Variants in MAPK6 observed in about 807,000 individuals in gnomAD.
The protein encoded by MAPK6 is ERK-3.
A neutral mutation model predicts 59.3 loss-of-function variants in MAPK6; 19 were observed. The ratio of observed to expected loss-of-function variants is 0.32; its 90% CI spans 0.22 to 0.47. MAPK6 has a LOEUF of 0.47. Ranked by LOEUF, MAPK6 falls within the 20% of genes least tolerant of loss-of-function variation. The probability of loss-of-function intolerance (pLI) is 1.00; values close to 1 mark genes in which losing one functional copy is unlikely to be tolerated. For missense variants in MAPK6, 724 were observed against 847.9 expected (o/e 0.85, Z 1.81); for synonymous variants, 316 against 290.3 (o/e 1.09, Z -0.90).
Position 52,050,156 on chromosome 15 carries a change from G to GA in MAPK6, c.700+24dup, listed in dbSNP as rs1566910609. ...TTTGCAGGTTAGTATTTTGTGGGGG[G>GA]AAAAATTTTCCCAAAGAGAAGTAAT... On this transcript the variant is annotated intron_variant, in intron 3 of 5. Coordinates refer to ENST00000261845, the MANE Select transcript of MAPK6 (RefSeq NM_002748.4). 3 of 1,582,654 alleles carry GA rather than the reference G, an allele frequency of 1.9e-6. No homozygotes were observed. Among genetic ancestry groups the GA allele is most frequent in the South Asian group, 1.2e-5 (1 of 84,122 alleles).
At chr15:51,998,917 C>T (rs1270908174) in intron 2 of MAPK6, among the ~76,000 whole-genome samples, 6 of 149,286 alleles carry the variant, frequency 4.0e-5, no homozygotes, top group Non-Finnish European at 7.4e-5. Context: ...GTCTTGATCT[C>T]CTGACCTCAT....
chr15:52,060,989 A>AGGATTAAAACCTATATATTAGGCCG (rs2032177000), intron 4 of MAPK6, among the ~76,000 whole-genome samples: 1 of 152,244 alleles, frequency 6.6e-6, no homozygotes, highest in Non-Finnish European at 1.5e-5. Context: ...TTGCAGAGCT[A>AGGATTAAAACCTATATATTAGGCCG]GGATTAAAAC....
At chr15:52,025,946 T>C (rs1453501133) in intron 1 of MAPK6, among the ~76,000 whole-genome samples, 2 of 152,212 alleles carry the variant, frequency 1.3e-5, no homozygotes, top group East Asian at 1.9e-4. Flanking sequence ...AGAGAGAGTA[T>C]GTTGACTTAG....
At position 52,063,986 on chromosome 15, in the gene MAPK6, T is replaced by C; in HGVS notation, c.1152T>C (p.Ala384=). The C allele has an allele frequency of 3.1e-6, 5 of 1,613,186 alleles. No homozygotes were observed. The highest frequency in any genetic ancestry group is 4.2e-6 in the Non-Finnish European group (5 of 1,179,488). ...ATGAAGTTCAGCTTGATCCAAGAGC[T>C]CTGTCCGATGTCACTGATGAAGAAG... The part of the protein sequence containing the change: ...DIDEVQLDPR[A]LSDVTDEEEV... The change falls in exon 6 of 6, where the codon GCT becomes GCC. Residue 384 remains alanine, a synonymous_variant. Transcript: ENST00000261845.
At chr15:51,999,229 C>T (rs1440161414) in intron 2 of MAPK6, among the ~76,000 whole-genome samples, 1 of 148,020 alleles carries the variant, frequency 6.8e-6, no homozygotes, top group Non-Finnish European at 1.5e-5. Flanking sequence ...AGCACCTGAC[C>T]TCAAGTGGTC....
chr15:51,997,846 C>A (rs1319990538), intron 2 of MAPK6, among the ~76,000 whole-genome samples: 1 of 152,100 alleles, frequency 6.6e-6, no homozygotes, highest in Non-Finnish European at 1.5e-5. Context: ...CCCACGTCAG[C>A]CTCCCAAAGT....
chr15:52,028,998 T>C (rs2030922282), intron 1 of MAPK6, among the ~76,000 whole-genome samples: 1 of 152,186 alleles, frequency 6.6e-6, no homozygotes. Flanking sequence ...TTATGAGACA[T>C]ATGTTCTTGT....
At chr15:52,012,945 C>T (rs1285806979) in intron 3 of MAPK6, among the ~76,000 whole-genome samples, 3 of 135,846 alleles carry the variant, frequency 2.2e-5, no homozygotes, top group African/African-American at 8.5e-5. Flanking sequence ...CAAGATTGTG[C>T]CACTATACTC....
intron 1 of MAPK6, among the ~76,000 whole-genome samples, chr15:51,973,530 G>A (rs1054081822): frequency 9.2e-5 from 14 of 152,012 alleles, no homozygotes; most frequent in African/African-American, 3.4e-4. Context: ...TTGAATTACA[G>A]TTTGGTCTGG....
chr15:52,040,083 A>G (rs7166425), intron 1 of MAPK6, among the ~76,000 whole-genome samples: 127,527 of 152,184 alleles, frequency 0.84, 54,146 homozygotes, highest in Non-Finnish European at 0.9. Flanking sequence ...GCTTTGTCAA[A>G]AATGCAGTGA....
In MAPK6 at chr15:52,010,757, G is replaced by C. The variant is rs184858712; in HGVS notation, c.-632+6355G>C. On this transcript the variant is annotated intron_variant, in intron 3 of 7. Coordinates refer to the MAPK6 transcript ENST00000691380. ...TGGTCTCAAACTCCTGACCTCAAGT[G>C]ATCCACTCACCTTGGCCTCCCAAAG... Among the ~76,000 whole-genome samples, 13 of 152,292 alleles carry C rather than the reference G, an allele frequency of 8.5e-5. No individual in the cohort carries two copies. The East Asian group carries it at 2.1e-3, about 25-fold the overall frequency.
intron 1 of MAPK6, among the ~76,000 whole-genome samples, chr15:52,023,434 C>A (rs930987849): frequency 6.6e-6 from 1 of 152,172 alleles, no homozygotes; most frequent in African/African-American, 2.4e-5. Flanking sequence ...ACTGAGACTT[C>A]ACAAAAACAA....
intron 3 of MAPK6, among the ~76,000 whole-genome samples, chr15:52,055,959 A>G (rs1163996992): frequency 1.3e-5 from 2 of 152,360 alleles, no homozygotes; most frequent in African/African-American, 4.8e-5. Flanking sequence ...CAATGAAATG[A>G]TTGGAAAGAT....
rs145762232 is a variant in MAPK6 at position 52,000,545 on chromosome 15, C to T, written c.-769-3720C>T. On this transcript the variant is annotated intron_variant, in intron 2 of 7. Coordinates refer to the MAPK6 transcript ENST00000691380. The stretch of plus-strand genomic sequence containing the variant: ...TTCAATAGCTGGGCACAGTGGTTCA[C>T]GCCTGTAATCCCAGCACTTTGGGAG... Among the ~76,000 whole-genome samples, 141 of 152,228 alleles carry T rather than the reference C, an allele frequency of 9.3e-4. No individual in the cohort carries two copies. In the East Asian group the frequency reaches 0.011, roughly 12 times the overall value.
At chr15:51,995,797 G>A (rs780082568) in intron 2 of MAPK6, among the ~76,000 whole-genome samples, 4 of 152,032 alleles carry the variant, frequency 2.6e-5, no homozygotes, top group African/African-American at 4.8e-5. Flanking sequence ...GCATGGTGGC[G>A]CATGCCTATA....
intron 2 of MAPK6, among the ~76,000 whole-genome samples, chr15:51,998,763 C>G (rs1410168118): frequency 7.5e-6 from 1 of 133,214 alleles, no homozygotes; most frequent in Non-Finnish European, 1.5e-5. Flanking sequence ...CAATCTCGGC[C>G]CACTGCAAGC....
chr15:52,064,752 G>C lies in MAPK6; in HGVS notation c.1918G>C (p.Glu640Gln). 1 of 1,611,800 alleles carries C rather than the reference G, an allele frequency of 6.2e-7. No homozygotes were observed. Among genetic ancestry groups the C allele is most frequent in the Non-Finnish European group, 8.5e-7 (1 of 1,179,700 alleles). ...GTTCTTTAGCAGGAAAGAAGATACTGAAATGCTAGAAACTGAGCCAGTAGA... is the reference window on the plus strand; with the variant it reads ...GTTCTTTAGCAGGAAAGAAGATACTCAAATGCTAGAAACTGAGCCAGTAGA... ...DKFFSRKEDT[E>Q]MLETEPVEDG... Residue 640 changes from glutamate to glutamine, a missense_variant, in exon 6 of 6, where the codon GAA (glutamate) becomes CAA (glutamine). Physicochemically the swap from Glu to Gln is conservative, Grantham distance 29 (BLOSUM62 2). Transcript: ENST00000261845.
chr15:52,044,804 A>G (rs1316720487), intron 1 of MAPK6, among the ~76,000 whole-genome samples: 2 of 152,172 alleles, frequency 1.3e-5, no homozygotes, highest in Non-Finnish European at 2.9e-5. Flanking sequence ...AGATTCTAGT[A>G]ATCTGCCATG....
upstream of MAPK6, among the ~76,000 whole-genome samples, chr15:52,017,006 G>A (rs929151211): frequency 6.6e-6 from 1 of 152,120 alleles, no homozygotes; most frequent in Non-Finnish European, 1.5e-5. Context: ...AGCCAAGATT[G>A]CACCACTCTG....
Sources: gnomAD v4.1 joint callset for allele counts (sites outside exome capture counted in the v4.1 genomes callset) on GRCh38, gnomAD v4.1.1 for gene constraint, MANE v1.5 for transcripts, NCBI Gene and HGNC (gene_info 2026-07-23, HGNC 2026-07-21) for gene names.